RAD51B: variants seen among roughly 807,000 people sequenced by gnomAD.
The protein encoded by RAD51B is DNA repair protein RAD51 homolog 2.
Under a neutral mutation model 42.2 loss-of-function variants are expected in RAD51B, and 38 were observed. That is an observed-to-expected ratio of 0.90 (90% CI 0.70 to 1.18). The LOEUF is 1.18. RAD51B is among the 50% of genes most tolerant of loss of function. The pLI is 0.00. For synonymous variants in RAD51B, 154 were observed against 145.2 expected, an observed-to-expected ratio of 1.06 and a Z score of -0.43; for missense variants, 373 against 400.7, an observed-to-expected ratio of 0.93 and a Z score of 0.59.
intron 10 of RAD51B, among the ~76,000 whole-genome samples, chr14:68,528,097 A>G (rs1200040288): frequency 1.3e-5 from 2 of 152,214 alleles, no homozygotes; most frequent in Non-Finnish European, 2.9e-5. Context: ...TGCTAAAGCC[A>G]TGAGAAAAGG....
intron 8 of RAD51B, among the ~76,000 whole-genome samples, chr14:68,311,470 T>C (rs963222368): frequency 8.5e-5 from 13 of 152,250 alleles, no homozygotes; most frequent in Admixed American, 2.0e-4. Context: ...TTGCAATCTT[T>C]AAGCTATCTC....
chr14:68,289,645 C>A (rs2081478961), intron 7 of RAD51B, among the ~76,000 whole-genome samples: 1 of 151,018 alleles, frequency 6.6e-6, no homozygotes, highest in South Asian at 2.1e-4. Context: ...ACCTGGGAGG[C>A]AGAGGTTGCA....
At chr14:68,322,121 TA>T (rs1348869351) in intron 8 of RAD51B, among the ~76,000 whole-genome samples, 1 of 152,198 alleles carries the variant, frequency 6.6e-6, no homozygotes, top group East Asian at 1.9e-4. Context: ...TAGCATGTAG[TA>T]AGCACTAGAT....
In RAD51B at chr14:68,606,331, C is replaced by T. The variant is rs558056056; in HGVS notation, c.1037-4675C>T. Among the ~76,000 whole-genome samples, 15 of 152,264 alleles carry T rather than the reference C, an allele frequency of 9.9e-5. No homozygotes were observed. The South Asian group carries it at 1.9e-3, about 19-fold the overall frequency. ...TGGCAACACTTCCCAAACTCTCCCA[C>T]CAAGCTCCCAGGAGGCAGGAGGGAG... On this transcript the variant is annotated intron_variant, in intron 10 of 10. Transcript: ENST00000487861.
intron 10 of RAD51B, among the ~76,000 whole-genome samples, chr14:68,606,532 T>C (rs1220752529): frequency 6.6e-6 from 1 of 152,146 alleles, no homozygotes; most frequent in Non-Finnish European, 1.5e-5. Flanking sequence ...TCCAAAAATA[T>C]CTGAGTGTAG....
intron 7 of RAD51B, among the ~76,000 whole-genome samples, chr14:68,175,344 A>C (rs2078943793): frequency 6.6e-6 from 1 of 152,228 alleles, no homozygotes; most frequent in Non-Finnish European, 1.5e-5. Flanking sequence ...CAATTTAAGT[A>C]CTGAATGCTT....
downstream of RAD51B, among the ~76,000 whole-genome samples, chr14:68,479,597 T>G (rs1883002974): frequency 6.6e-6 from 1 of 151,998 alleles, no homozygotes; most frequent in Non-Finnish European, 1.5e-5. Flanking sequence ...GACTGTCTAC[T>G]CTTCATCAAA....
rs138471007 is a variant in RAD51B at position 68,366,903 on chromosome 14, G to A, written c.854-44521G>A. ...TTCAGAGCTCTGAACTTGGTTGAAA[G>A]AAAAGGGCAATTCTCTGAATTGGGT... is the stretch of plus-strand genomic sequence containing the variant. On this transcript the variant is annotated intron_variant, in intron 8 of 10. Transcript: ENST00000471583. Among the ~76,000 whole-genome samples, 1,091 of 152,322 alleles carry A rather than the reference G, an allele frequency of 7.2e-3. 9 individuals are homozygous for A. Among genetic ancestry groups the A allele is most frequent in the South Asian group, 0.018 (86 of 4,830 alleles).
chr14:68,015,754 G>A (rs1485979408), intron 7 of RAD51B, among the ~76,000 whole-genome samples: 1 of 152,134 alleles, frequency 6.6e-6, no homozygotes, highest in Non-Finnish European at 1.5e-5. Context: ...CATATCAGGT[G>A]GAGAGTGATA....
chr14:68,477,479 G>T (rs373802589), intron 10 of RAD51B, among the ~76,000 whole-genome samples, 169 bp from the exon 11 acceptor site: 1 of 152,160 alleles, frequency 6.6e-6, no homozygotes, highest in African/African-American at 2.4e-5. Flanking sequence ...CCACACTTCC[G>T]CTGTGTTTCT....
At chr14:68,127,261 A>G (rs755794465) in intron 7 of RAD51B, among the ~76,000 whole-genome samples, 9 of 151,862 alleles carry the variant, frequency 5.9e-5, no homozygotes, top group Non-Finnish European at 1.0e-4. Flanking sequence ...AACAACCCCA[A>G]CCCACCTGGT....
At chr14:68,085,371 C>T (rs114552404) in intron 7 of RAD51B, among the ~76,000 whole-genome samples, 1,676 of 152,148 alleles carry the variant, frequency 0.011, 30 homozygotes, top group African/African-American at 0.038. Flanking sequence ...AAGGAGAATG[C>T]ATAGAGAAGA....
intron 7 of RAD51B, among the ~76,000 whole-genome samples, chr14:68,034,878 A>G (rs938364414): frequency 2.0e-5 from 3 of 152,156 alleles, no homozygotes; most frequent in Admixed American, 1.3e-4. Context: ...GGGATGTCTA[A>G]TATTGCAAAT....
At chr14:68,087,683 C>G (rs1056613937) in intron 7 of RAD51B, among the ~76,000 whole-genome samples, 2 of 150,822 alleles carry the variant, frequency 1.3e-5, no homozygotes, top group South Asian at 2.1e-4. Context: ...TGTAACATTA[C>G]CTGGTAATGC....
intron 7 of RAD51B, among the ~76,000 whole-genome samples, chr14:68,210,373 A>G (rs906700566): frequency 1.3e-5 from 2 of 152,256 alleles, no homozygotes; most frequent in African/African-American, 4.8e-5. Context: ...AAAGGTGATC[A>G]GTATTTATAT....
At chr14:67,960,101 T>C (rs1170529765) in intron 7 of RAD51B, among the ~76,000 whole-genome samples, 1 of 147,960 alleles carries the variant, frequency 6.8e-6, no homozygotes, top group Non-Finnish European at 1.5e-5. Context: ...AAAAAAGAAG[T>C]GTGTGTGTAT....
chr14:68,389,564 ATGTTAACTTTTT>A (rs2083689371), intron 8 of RAD51B, among the ~76,000 whole-genome samples: 1 of 152,176 alleles, frequency 6.6e-6, no homozygotes, highest in Non-Finnish European at 1.5e-5. Context: ...GTATATACTT[ATGTTAACTTTTT>A]TTCCAAAATT....
intron 7 of RAD51B, among the ~76,000 whole-genome samples, chr14:67,912,694 T>G (rs1237712538): frequency 6.6e-6 from 1 of 151,030 alleles, no homozygotes; most frequent in Non-Finnish European, 1.5e-5. Context: ...TTATCTTCTC[T>G]CCTACTTCTC....
chr14:68,137,693 C>T (rs1349556153), intron 7 of RAD51B, among the ~76,000 whole-genome samples: 2 of 152,228 alleles, frequency 1.3e-5, no homozygotes, highest in African/African-American at 4.8e-5. Flanking sequence ...TAAAGAACTA[C>T]AGTCCACAGG....
Sources: allele counts gnomAD v4.1 joint callset (sites outside exome capture counted in the v4.1 genomes callset), GRCh38; gene constraint gnomAD v4.1.1; transcripts MANE v1.5; gene names NCBI Gene and HGNC (gene_info 2026-07-23, HGNC 2026-07-21).